Variants in GCKR observed in about 807,000 individuals in gnomAD.
GCKR encodes the protein glucokinase regulator.
A neutral mutation model predicts 82.9 loss-of-function variants in GCKR; 73 were observed. That is an observed-to-expected ratio of 0.88 (90% CI 0.73 to 1.07). The LOEUF (loss-of-function observed/expected upper bound fraction) is 1.07. GCKR is among the 50% of genes least tolerant of loss of function. The pLI is 0.00. For missense variants in GCKR, 784 were observed against 782.1 expected (o/e 1.00, Z -0.03); for synonymous variants, 294 against 291.8 (o/e 1.01, Z -0.08).
In GCKR at chr2:27,518,774, T is replaced by G. The variant is rs773780091; in HGVS notation, c.1423-14T>G. On this transcript the variant is annotated splice_polypyrimidine_tract_variant and intron_variant, in intron 16 of 18. Coordinates refer to ENST00000264717, the MANE Select transcript of GCKR (RefSeq NM_001486.4). ...CTCTAATTTTTGACACCCCCATGTG[T>G]CTGCCCTTTTCAGAAGTTCCAGCGT... 3.7e-6 allele frequency: 6 copies of G among 1,610,874 alleles called. No homozygotes were observed. The South Asian group carries it at 6.6e-5, about 18-fold the overall frequency.
intron 17 of GCKR, 45 bp from the exon 18 acceptor site, chr2:27,522,415 C>T (rs1448177685): frequency 1.9e-6 from 3 of 1,608,388 alleles, no homozygotes; most frequent in Admixed American, 1.7e-5. Context: ...ATTCTTAGTT[C>T]CTCTGGCCTT....
In GCKR at chr2:27,506,855, G is replaced by T; in HGVS notation, c.1036G>T (p.Gly346Ter). Reference sequence around the variant, plus strand: ...CCTGGGCATCATTGCCATCATGGATGGAGTAGAGTGCATCCACACCTTTGG... The same window carrying T: ...CCTGGGCATCATTGCCATCATGGATTGAGTAGAGTGCATCCACACCTTTGG... ...QTLGIIAIMD[G>*]VECIHTFGAD... is the part of the protein sequence containing the mutation. Residue 346 changes from glycine to a stop codon, truncating the protein, a stop_gained, in exon 12 of 19, where the codon GGA becomes TGA. Coordinates refer to ENST00000264717, the MANE Select transcript of GCKR (RefSeq NM_001486.4). LOFTEE classifies it high-confidence loss of function. 6.2e-7 allele frequency: 1 copy of T among 1,612,124 alleles called. No individual in the cohort carries two copies.
rs1463773205 is a variant in GCKR at position 27,498,309 on chromosome 2, G to A, written c.340G>A (p.Ala114Thr). Residue 114 changes from alanine (A) to threonine (T), a missense_variant, in exon 4 of 19, where the codon GCA becomes ACA. Ala to Thr is a moderately conservative substitution (Grantham distance 58, BLOSUM62 0). Transcript: ENST00000264717. ...TGGAGGGGGCACCTCTGGCCGGATG[G>A]CATTCCTCATGTCGGTGAGCACCCT... is the stretch of plus-strand genomic sequence containing the variant. Reference protein sequence around the residue: ...LSGGGTSGRMAFLMSVSFNQL... With the variant: ...LSGGGTSGRMTFLMSVSFNQL... The A allele has an allele frequency of 5.0e-6, 8 of 1,612,790 alleles. No homozygotes were observed. The highest frequency in any genetic ancestry group is 5.9e-6 in the Non-Finnish European group (7 of 1,178,882).
rs751014605 is a variant in GCKR at position 27,498,768 on chromosome 2, T to G, written c.399T>G (p.Leu133=). The G allele has an allele frequency of 2.5e-6, 4 of 1,608,242 alleles. No homozygotes were observed. The African/African-American group carries it at 5.3e-5, about 22-fold the overall frequency. ...TGAAAGGTCTGGGACAGAAACCTCT[T>G]TACACCTACCTCATTGCAGGTGGTG... ...QLMKGLGQKP[L]YTYLIAGGDR... Residue 133 remains leucine (L), a synonymous_variant, in exon 5 of 19, where the codon CTT becomes CTG. Transcript: ENST00000264717.
chr2:27,505,954 C>T lies in GCKR; in HGVS notation c.869+118C>T. On this transcript the variant is annotated intron_variant, in intron 10 of 18. Transcript: ENST00000264717. ...TGGTGGCAGTAAGACTGCAGCCCAC[C>T]ACGCCTCCCCTGGGAAGGGAGCTGG... is the stretch of plus-strand genomic sequence containing the variant. 3 of 755,566 alleles carry T rather than the reference C, an allele frequency of 4.0e-6. No homozygotes were observed. The South Asian group carries it at 4.1e-5, about 10-fold the overall frequency. 46.8% of individuals were successfully genotyped at this position (755,566 alleles called of 1,614,324 possible).
At chr2:27,512,256 A>AT in intron 16 of GCKR, among the ~76,000 whole-genome samples, 1 of 145,660 alleles carries the variant, frequency 6.9e-6, no homozygotes, top group Middle Eastern at 3.6e-3. Flanking sequence ...AAAAAAAAAA[A>AT]GCCGGGCGTG....
intron 16 of GCKR, among the ~76,000 whole-genome samples, chr2:27,516,283 GTTTT>G (rs35189790): frequency 1.7e-5 from 1 of 58,526 alleles, no homozygotes; most frequent in African/African-American, 7.9e-5. Flanking sequence ...CTTCATTCTT[GTTTT>G]TTTTTTTTTT....
chr2:27,515,635 T>G (rs943212123), intron 16 of GCKR, among the ~76,000 whole-genome samples: 1 of 151,962 alleles, frequency 6.6e-6, no homozygotes, highest in African/African-American at 2.4e-5. Context: ...ATGGTTTCTT[T>G]TTTTCTTTTT....
intron 17 of GCKR, among the ~76,000 whole-genome samples, chr2:27,519,481 T>G (rs549586019): frequency 7.7e-4 from 117 of 152,258 alleles, no homozygotes; most frequent in African/African-American, 2.7e-3. Context: ...TTATATTTTT[T>G]AGCAGAGACA....
Position 27,506,850 on chromosome 2 carries a change from T to C in GCKR, c.1031T>C (p.Met344Thr). ...CAGACCCTGGGCATCATTGCCATCA[T>C]GGATGGAGTAGAGTGCATCCACACC... ...GWQTLGIIAI[M>T]DGVECIHTFG... Residue 344 changes from methionine (M) to threonine (T), a missense_variant, in exon 12 of 19, where the codon ATG becomes ACG. Met to Thr is a moderately conservative substitution (Grantham distance 81). Transcript: ENST00000264717. 6.2e-7 allele frequency: 1 copy of C among 1,613,158 alleles called. No individual in the cohort carries two copies. Among genetic ancestry groups the C allele is most frequent in the South Asian group, 1.1e-5 (1 of 91,060 alleles).
chr2:27,501,574 A>G (rs1669579060), intron 8 of GCKR: 1 of 402,680 alleles, frequency 2.5e-6, no homozygotes, highest in African/African-American at 2.1e-5. Context: ...TTGTGCTTTC[A>G]TATGGGGGTG....
In GCKR at chr2:27,507,308, C is replaced by A; in HGVS notation, c.1140C>A (p.Asn380Lys). 1 of 1,601,516 alleles carries A rather than the reference C, an allele frequency of 6.2e-7. No homozygotes were observed. Among genetic ancestry groups the A allele is most frequent in the Non-Finnish European group, 8.6e-7 (1 of 1,168,754 alleles). Residue 380 changes from asparagine (N) to lysine (K), a missense_variant, in exon 13 of 19, where the codon AAC becomes AAA. Physicochemically the swap from Asn to Lys is moderately conservative, Grantham distance 94 (BLOSUM62 0). Transcript: ENST00000264717. The stretch of plus-strand genomic sequence containing the variant: ...TTAACCAGAAGGCTGAGCTCACCAA[C>A]CAGGTCGGAGAAGAACAGGACTTGG... ...DMFNQKAELT[N>K]QGPQFTFSQE... is the part of the protein sequence containing the mutation.
intron 9 of GCKR, among the ~76,000 whole-genome samples, chr2:27,504,321 C>G (rs979736711): frequency 5.9e-5 from 9 of 151,674 alleles, no homozygotes; most frequent in Non-Finnish European, 1.2e-4. Flanking sequence ...CAAATGTTGA[C>G]TTTCAATGGC....
At position 27,522,463 on chromosome 2, in the gene GCKR, T is replaced by G. The variant is rs149772322; in HGVS notation, c.1576T>G (p.Phe526Val). Residue 526 changes from phenylalanine to valine, a missense_variant, in exon 18 of 19, where the codon TTC becomes GTC. Physicochemically the swap from Phe to Val is conservative, Grantham distance 50. Transcript: ENST00000264717. ...FWRALAMLQRFSGQSKARCIE... is the reference protein window; with the variant it reads ...FWRALAMLQRVSGQSKARCIE... ...GATCTTACCACTTCTTCCTTAGCGG[T>G]TCTCTGGACAGTCCAAGGCTCGATG... The G allele has an allele frequency of 7.8e-5, 126 of 1,613,882 alleles. No individual in the cohort carries two copies. The highest frequency in any genetic ancestry group is 1.0e-4 in the Non-Finnish European group (118 of 1,179,898).
At chr2:27,511,094 C>T (rs1251686937) in intron 16 of GCKR, among the ~76,000 whole-genome samples, 1 of 152,034 alleles carries the variant, frequency 6.6e-6, no homozygotes, top group Non-Finnish European at 1.5e-5. Context: ...GTGGTGTGAT[C>T]TTGGCTCATT....
chr2:27,522,592 C>T lies in GCKR; in HGVS notation c.1705C>T (p.Gln569Ter), dbSNP rs1411091808. The change falls in exon 18 of 19, where the codon CAG becomes TAG. Residue 569 changes from glutamine to a stop codon, truncating the protein, a stop_gained and splice_region_variant. Coordinates refer to ENST00000264717, the MANE Select transcript of GCKR (RefSeq NM_001486.4). LOFTEE classifies it high-confidence loss of function. ...CHVQVAHEKE[Q>*]VIPIALLSLL... ...TGTCCAGGTTGCACATGAGAAGGAA[C>T]AGGTATCCTGCCCACTGCTGGTCAT... The T allele has an allele frequency of 3.1e-6, 5 of 1,612,376 alleles. No individual in the cohort carries two copies. The highest frequency in any genetic ancestry group is 4.2e-6 in the Non-Finnish European group (5 of 1,178,502).
intron 17 of GCKR, 150 bp from the exon 18 acceptor site, chr2:27,522,310 G>C: frequency 1.3e-6 from 1 of 773,574 alleles, no homozygotes; most frequent in East Asian, 2.6e-5. Flanking sequence ...TACAATTTAG[G>C]ATTGCCAACA....
chr2:27,519,148 CTT>C (rs1445678019), intron 17 of GCKR, among the ~76,000 whole-genome samples: 1 of 152,100 alleles, frequency 6.6e-6, no homozygotes, highest in Non-Finnish European at 1.5e-5. Context: ...AGGCAAGACT[CTT>C]TCAGTTACAA....
At chr2:27,515,519 A>G (rs1669981135) in intron 16 of GCKR, among the ~76,000 whole-genome samples, 1 of 151,612 alleles carries the variant, frequency 6.6e-6, no homozygotes, top group Admixed American at 6.6e-5. Context: ...CAAGTGATCC[A>G]CTCGCCTCTG....
Sources: gnomAD v4.1 joint callset for allele counts (sites outside exome capture counted in the v4.1 genomes callset) on GRCh38, gnomAD v4.1.1 for gene constraint, MANE v1.5 for transcripts, NCBI Gene and HGNC (gene_info 2026-07-23, HGNC 2026-07-21) for gene names.